Variants in PCDHAC1 observed in about 807,000 individuals in gnomAD.
PCDHAC1 encodes the protein protocadherin alpha subfamily C, 1, also known as protocadherin alpha-C1.
PCDHAC1 carries 42 observed loss-of-function variants against 60.0 expected under a neutral mutation model. The ratio of observed to expected loss-of-function variants is 0.70; its 90% CI spans 0.55 to 0.90. The LOEUF is 0.90. Ranked by LOEUF, PCDHAC1 falls within the 40% of genes least tolerant of loss-of-function variation. The pLI, the probability that PCDHAC1 is intolerant of heterozygous loss-of-function variation, is 0.00. For synonymous variants in PCDHAC1, 468 were observed against 499.3 expected (o/e 0.94, Z 0.84); for missense variants, 1,160 against 1,222.3 (o/e 0.95, Z 0.76).
Position 140,960,269 on chromosome 5 carries a change from G to A in PCDHAC1, c.2434-18680G>A, listed in dbSNP as rs148980300. On this transcript the variant is annotated intron_variant, in intron 1 of 3. Transcript: ENST00000253807. ...CTTCCTGGAGCTTCTGATAAATTCC[G>A]TCACCTTTTTGGGACCCAGTTTCTT... is the stretch of plus-strand genomic sequence containing the variant. Among the ~76,000 whole-genome samples, 355 of 152,162 alleles carry A rather than the reference G, an allele frequency of 2.3e-3. 1 individual carries two copies. The highest frequency in any genetic ancestry group is 7.0e-3 in the African/African-American group (290 of 41,548).
chr5:140,996,799 T>C (rs1372599057), intron 3 of PCDHAC1, among the ~76,000 whole-genome samples: 3 of 152,306 alleles, frequency 2.0e-5, no homozygotes, highest in African/African-American at 7.2e-5. Context: ...CTACATCCAA[T>C]CATGCTTTCC....
At chr5:140,965,312 C>G (rs543157988) in intron 1 of PCDHAC1, among the ~76,000 whole-genome samples, 1 of 152,258 alleles carries the variant, frequency 6.6e-6, no homozygotes, top group East Asian at 1.9e-4. Context: ...TCTACCTTCT[C>G]TTTTACTGAA....
chr5:140,983,334 T>A (rs1314550664), intron 3 of PCDHAC1, among the ~76,000 whole-genome samples: 1 of 152,234 alleles, frequency 6.6e-6, no homozygotes, highest in African/African-American at 2.4e-5. Context: ...GCCCTATCAC[T>A]AAAGCAGGGT....
At chr5:140,982,608 T>G (rs782789536) in intron 3 of PCDHAC1, 45 bp downstream of exon 3, 2 of 1,601,306 alleles carry the variant, frequency 1.2e-6, no homozygotes, top group South Asian at 2.2e-5. Flanking sequence ...TTCTGGAAAG[T>G]GATCAGATGA....
In PCDHAC1 at chr5:140,928,747, C is replaced by T. The variant is rs781895762; in HGVS notation, c.1855C>T (p.Arg619Cys). ...FRISANIGELRTARLVLPTDA... is the reference protein window; with the variant it reads ...FRISANIGELCTARLVLPTDA... ...AATTTCAGCCAATATAGGTGAGCTC[C>T]GTACTGCTCGCTTAGTTCTTCCCAC... The change falls in exon 1 of 4, where the codon CGT becomes TGT. Residue 619 changes from arginine to cysteine, a missense_variant. Around this residue, in one of 3 missense-constraint regions of PCDHAC1, gnomAD observed 1,113 missense variants for 1,163.7 expected, o/e 0.96. Coordinates refer to ENST00000253807, the MANE Select transcript of PCDHAC1 (RefSeq NM_018898.5). 4 of 1,614,132 alleles carry T rather than the reference C, an allele frequency of 2.5e-6. No individual in the cohort carries two copies. Among genetic ancestry groups the T allele is most frequent in the African/African-American group, 2.7e-5 (2 of 75,022 alleles).
At position 140,957,560 on chromosome 5, in the gene PCDHAC1, G is replaced by A. The variant is rs940495695; in HGVS notation, c.2434-21389G>A. ...TTAGAAAGTATTCTCTGTGGAAAAGGAGGGACTACTGTACTTTTAACAAAG... is the reference window on the plus strand; with the variant it reads ...TTAGAAAGTATTCTCTGTGGAAAAGAAGGGACTACTGTACTTTTAACAAAG... On this transcript the variant is annotated intron_variant, in intron 1 of 3. Transcript: ENST00000253807. 2.0e-5 allele frequency among the ~76,000 whole-genome samples: 3 copies of A among 152,074 alleles called. No homozygotes were observed. In the East Asian group the frequency reaches 5.8e-4, roughly 29 times the overall value.
intron 1 of PCDHAC1, among the ~76,000 whole-genome samples, chr5:140,950,920 T>TTTCTGCTACTTTTAACTG (rs1554219690): frequency 2.6e-5 from 4 of 152,202 alleles, no homozygotes; most frequent in African/African-American, 9.6e-5. Context: ...TTATTTCAGT[T>TTTCTGCTACTTTTAACTG]CTTTTTCTTT....
At chr5:140,995,214 C>T (rs1193715389) in intron 3 of PCDHAC1, among the ~76,000 whole-genome samples, 2 of 152,136 alleles carry the variant, frequency 1.3e-5, no homozygotes, top group Admixed American at 6.6e-5. Flanking sequence ...AGGCACAATA[C>T]TCTTGTGCTT....
At chr5:140,933,351 T>C (rs2089082227) in intron 1 of PCDHAC1, among the ~76,000 whole-genome samples, 1 of 152,024 alleles carries the variant, frequency 6.6e-6, no homozygotes, top group South Asian at 2.1e-4. Flanking sequence ...AAACACTTTA[T>C]TTCTAACCCA....
intron 1 of PCDHAC1, among the ~76,000 whole-genome samples, chr5:140,961,425 T>G (rs2095610907): frequency 6.6e-6 from 1 of 152,226 alleles, no homozygotes; most frequent in Admixed American, 6.5e-5. Context: ...TTTAAACAAT[T>G]ACAAAATCAC....
At chr5:140,964,634 T>C (rs2095845045) in intron 1 of PCDHAC1, among the ~76,000 whole-genome samples, 1 of 151,918 alleles carries the variant, frequency 6.6e-6, no homozygotes, top group Non-Finnish European at 1.5e-5. Flanking sequence ...AGCCATTTAT[T>C]TTCAGAAACA....
At chr5:141,001,032 TTTAA>T (rs1332637304) in intron 3 of PCDHAC1, among the ~76,000 whole-genome samples, 3 of 152,348 alleles carry the variant, frequency 2.0e-5, no homozygotes, top group Middle Eastern at 3.4e-3. Flanking sequence ...TAATAATAGC[TTTAA>T]TTAATTGTAA....
intron 1 of PCDHAC1, among the ~76,000 whole-genome samples, chr5:140,964,550 C>T (rs13359943): frequency 0.012 from 1,826 of 152,168 alleles, 28 homozygotes; most frequent in African/African-American, 0.042. Flanking sequence ...ATGGCAGCGA[C>T]TTGGAGGGCT....
intron 3 of PCDHAC1, among the ~76,000 whole-genome samples, chr5:140,992,700 G>A (rs2097525204): frequency 6.6e-6 from 1 of 152,162 alleles, no homozygotes; most frequent in Non-Finnish European, 1.5e-5. Flanking sequence ...GGTGGGTAAT[G>A]TTCCTGCCAG....
At chr5:140,954,361 C>T (rs782543125) in intron 1 of PCDHAC1, among the ~76,000 whole-genome samples, 18 of 152,220 alleles carry the variant, frequency 1.2e-4, no homozygotes, top group Non-Finnish European at 2.2e-4. Context: ...AATCGCCACA[C>T]AGTCTCCCAC....
Position 140,927,193 on chromosome 5 carries a change from C to A in PCDHAC1, c.301C>A (p.Leu101Ile). The change falls in exon 1 of 4, where the codon CTC (leucine) becomes ATC (isoleucine). Residue 101 changes from leucine (L) to isoleucine (I), a missense_variant. By Grantham distance (5) the Leu-to-Ile change is conservative. Around this residue, in one of 3 missense-constraint regions of PCDHAC1, gnomAD observed 1,113 missense variants for 1,163.7 expected, o/e 0.96. Transcript: ENST00000253807. ...AACVLTYDLV[L>I]EDPLELHKIR... ...CTGCGTCTTGACCTACGACCTGGTG[C>A]TCGAGGACCCGCTGGAGCTGCACAA... 6.2e-7 allele frequency: 1 copy of A among 1,614,186 alleles called. No homozygotes were observed. Among genetic ancestry groups the A allele is most frequent in the Non-Finnish European group, 8.5e-7 (1 of 1,180,050 alleles).
In PCDHAC1 at chr5:140,928,055, C is replaced by T. The variant is rs1554205406; in HGVS notation, c.1163C>T (p.Thr388Met). The T allele has an allele frequency of 8.1e-6, 13 of 1,614,066 alleles. No homozygotes were observed. Among genetic ancestry groups the T allele is most frequent in the South Asian group, 3.3e-5 (3 of 91,086 alleles). The change falls in exon 1 of 4, where the codon ACG becomes ATG. Residue 388 changes from threonine to methionine, a missense_variant. Physicochemically the swap from Thr to Met is moderately conservative, Grantham distance 81. This residue lies in a region of PCDHAC1 where 1,113 missense variants were observed against 1,163.7 expected (regional missense o/e 0.96). Coordinates refer to ENST00000253807, the MANE Select transcript of PCDHAC1 (RefSeq NM_018898.5). ...TCTAGTGCAGGCCCTTTTCAGCTGA[C>T]GGCTTCCTTTGACAACTACTACAGC... ...GMSSAGPFQL[T>M]ASFDNYYSLL...
At chr5:140,966,922 G>C (rs782206344) in intron 1 of PCDHAC1, 7 of 1,602,954 alleles carry the variant, frequency 4.4e-6, no homozygotes, top group Non-Finnish European at 5.9e-6. Context: ...CAGAGGAGCA[G>C]GCACCCGGCG....
At chr5:140,952,961 A>G (rs531904047) in intron 1 of PCDHAC1, among the ~76,000 whole-genome samples, 1 of 152,158 alleles carries the variant, frequency 6.6e-6, no homozygotes, top group East Asian at 1.9e-4. Context: ...GGGAAGTGAT[A>G]CACACTTTTA....
Sources: allele counts gnomAD v4.1 joint callset (sites outside exome capture counted in the v4.1 genomes callset), GRCh38; gene constraint gnomAD v4.1.1; regional missense constraint gnomAD v4.1.1; transcripts MANE v1.5; gene names NCBI Gene and HGNC (gene_info 2026-07-23, HGNC 2026-07-21).